Variants in HSPH1 observed in about 807,000 individuals in gnomAD.
The protein encoded by HSPH1 is heat shock protein 105 kDa.
Under a neutral mutation model 100.0 loss-of-function variants are expected in HSPH1, and 40 were observed. That is an observed-to-expected ratio of 0.40 (90% CI 0.31 to 0.52). The LOEUF is 0.52. HSPH1 is among the 20% of genes least tolerant of loss of function. HSPH1 has a pLI of 0.54. For missense variants in HSPH1, 876 were observed against 1,015.1 expected (o/e 0.86, Z 1.86); for synonymous variants, 403 against 344.0 (o/e 1.17, Z -1.90).
intron 9 of HSPH1, 66 bp downstream of exon 9, chr13:31,148,308 G>C: frequency 3.6e-6 from 4 of 1,104,380 alleles, no homozygotes; most frequent in Non-Finnish European, 5.4e-6. Context: ...GACTCTACTA[G>C]AGAAGTCATT....
At position 31,150,055 on chromosome 13, in the gene HSPH1, G is replaced by T. The variant is rs150739259; in HGVS notation, c.1036C>A (p.Arg346=). The change falls in exon 8 of 18, where the codon CGA becomes AGA. Residue 346 remains arginine, a synonymous_variant. Transcript: ENST00000320027. ...SAVEIVGGAT[R]IPAVKERIAK... is the part of the protein sequence containing the mutation. ...ATTCTTTCCTTCACAGCTGGAATTC[G>T]TGTAGCGCCTCCAACAATCTCAACT... is the stretch of plus-strand genomic sequence containing the variant. The T allele has an allele frequency of 8.7e-5, 141 of 1,613,760 alleles. No individual in the cohort carries two copies. In the African/African-American group the frequency reaches 1.8e-3, roughly 20 times the overall value.
Position 31,137,489 on chromosome 13 carries a change from T to C in HSPH1, c.2406A>G (p.Gln802=). ...TGGGTGATTCAATTTTTGGTTTCGG[T>C]TGTGTTACAACGGGTTCACATGTGT... ...LNNTCEPVVT[Q]PKPKIESPKL... is the part of the protein sequence containing the mutation. The change falls in exon 18 of 18, where the codon CAA becomes CAG. Residue 802 remains glutamine (Q), a synonymous_variant. Transcript: ENST00000320027. 1.9e-6 allele frequency: 3 copies of C among 1,613,692 alleles called. No homozygotes were observed. Among genetic ancestry groups the C allele is most frequent in the Non-Finnish European group, 2.5e-6 (3 of 1,179,754 alleles).
At position 31,161,702 on chromosome 13, in the gene HSPH1, C is replaced by A. The variant is rs747141029; in HGVS notation, c.-120G>T. On this transcript the variant is annotated 5_prime_UTR_variant, in exon 1 of 18. Transcript: ENST00000320027. Reference sequence around the variant, plus strand: ...TTCTGCTCCGGCCCGCGGGGTCTGGCCGTTCCTCTGACACTCAGAAGGACA... The same window carrying A: ...TTCTGCTCCGGCCCGCGGGGTCTGGACGTTCCTCTGACACTCAGAAGGACA... 3.9e-6 allele frequency: 6 copies of A among 1,539,034 alleles called. No homozygotes were observed. In the South Asian group the frequency reaches 7.1e-5, roughly 18 times the overall value.
chr13:31,151,614 A>G lies in HSPH1; in HGVS notation c.658T>C (p.Leu220=), dbSNP rs199734970. The change falls in exon 6 of 18, where the codon TTG becomes CTG. Residue 220 remains leucine (L), a synonymous_variant. Transcript: ENST00000320027. ...GTTCCAATGTATGACTTTACCTTCA[A>G]TTTTCCCTTGTTAAAAGCACAAGCA... The part of the protein sequence containing the change: ...VSACAFNKGK[L]KVLGTAFDPF... 1.0e-4 allele frequency: 164 copies of G among 1,609,552 alleles called. 1 individual carries two copies. The highest frequency in any genetic ancestry group is 8.5e-5 in the Admixed American group (5 of 58,898).
intron 2 of HSPH1, among the ~76,000 whole-genome samples, chr13:31,157,923 C>T (rs1368027226): frequency 2.2e-5 from 3 of 139,518 alleles, no homozygotes; most frequent in Non-Finnish European, 4.7e-5. Context: ...GATCAGATAC[C>T]GTACTTTACT....
intron 2 of HSPH1, among the ~76,000 whole-genome samples, chr13:31,158,205 GT>G (rs1173315080): frequency 1.3e-5 from 2 of 152,216 alleles, no homozygotes; most frequent in East Asian, 3.9e-4. Flanking sequence ...AAAATGCCTT[GT>G]TTATAATTTC....
At chr13:31,138,363 T>C (rs1349324454) in intron 17 of HSPH1, 44 bp downstream of exon 17, 1 of 1,581,786 alleles carries the variant, frequency 6.3e-7, no homozygotes, top group Non-Finnish European at 8.6e-7. Context: ...GCAACTTGAG[T>C]CCGTAAGTGA....
chr13:31,141,829 CAT>C (rs1956107619), intron 12 of HSPH1, among the ~76,000 whole-genome samples: 9 of 151,320 alleles, frequency 5.9e-5, no homozygotes, highest in African/African-American at 9.7e-5. Flanking sequence ...CACACACACA[CAT>C]TATTACTATC....
At position 31,153,055 on chromosome 13, in the gene HSPH1, C is replaced by T. The variant is rs1956545683; in HGVS notation, c.430-104G>A. ...CACAACAGTCCAGCTAAGTAGGTGC[C>T]TCGCCAAGTCACAAAACAGAAATAG... On this transcript the variant is annotated intron_variant, in intron 4 of 17. Transcript: ENST00000320027. 4.1e-6 allele frequency: 3 copies of T among 726,112 alleles called. No homozygotes were observed. The African/African-American group carries it at 5.4e-5, about 13-fold the overall frequency. The allele number at this position is 726,112 out of a possible 1,614,324, so 45.0% of individuals were successfully genotyped here. A position where few individuals can be genotyped will look rare whatever the true frequency, so the allele number is the denominator to read the frequency against.
rs1189447262 is a variant in HSPH1 at position 31,148,021 on chromosome 13, G to A, written c.1316C>T (p.Pro439Leu). The part of the protein sequence containing the change: ...SKVLTFLRRG[P>L]FELEAFYSDP... Reference sequence around the variant, plus strand: ...AGAATAGAAAGCTTCTAGCTCAAAAGGCCCCCTTCTCAGAAAGGTGAGAAC... The same window carrying A: ...AGAATAGAAAGCTTCTAGCTCAAAAAGCCCCCTTCTCAGAAAGGTGAGAAC... Residue 439 changes from proline (P) to leucine (L), a missense_variant, in exon 10 of 18, where the codon CCT becomes CTT. Pro to Leu is a moderately conservative substitution (Grantham distance 98). Coordinates refer to ENST00000320027, the MANE Select transcript of HSPH1 (RefSeq NM_006644.4). The A allele has an allele frequency of 5.6e-6, 9 of 1,610,628 alleles. No homozygotes were observed. Among genetic ancestry groups the A allele is most frequent in the Non-Finnish European group, 7.6e-6 (9 of 1,178,740 alleles).
At chr13:31,145,892 G>C (rs544219492) in intron 10 of HSPH1, 124 bp from the exon 11 acceptor site, 182 of 761,002 alleles carry the variant, frequency 2.4e-4, no homozygotes, top group Middle Eastern at 3.8e-4. Context: ...GGCCGTGGTG[G>C]GTCACTTGAG....
intron 3 of HSPH1, 53 bp downstream of exon 3, chr13:31,155,461 A>AT (rs1421146630): frequency 2.1e-6 from 3 of 1,418,156 alleles, no homozygotes; most frequent in Non-Finnish European, 2.9e-6. Context: ...ATAAGTTCGT[A>AT]TTTTTAAGTA....
intron 13 of HSPH1, 180 bp downstream of exon 13, chr13:31,140,941 AT>A: frequency 4.8e-6 from 2 of 419,128 alleles, no homozygotes; most frequent in South Asian, 7.9e-5. Context: ...AAGCAGAAAG[AT>A]TTTTTTGTTA....
rs1955902278 is a variant in HSPH1, at chr13:31,137,029, CCAAAAGA to C, written c.*282_*288del. 3.8e-6 allele frequency: 2 copies of C among 522,008 alleles called. No homozygotes were observed. Among genetic ancestry groups the C allele is most frequent in the African/African-American group, 3.9e-5 (2 of 50,830 alleles). 32.3% of individuals were successfully genotyped at this position (522,008 alleles called of 1,614,324 possible). A position where few individuals can be genotyped will look rare whatever the true frequency, so the allele number is the denominator to read the frequency against. ...GAACAAGCAGTACAGTTTTTTTTCT[CCAAAAGA>C]CAAAAGTCAGTTTCATCCTCAGTGA... On this transcript the variant is annotated 3_prime_UTR_variant, in exon 18 of 18. Transcript: ENST00000320027.
In HSPH1 at chr13:31,161,856, T is replaced by C. The variant is rs1315984319; in HGVS notation, c.-274A>G. ...CGCTCCGCACCTCGGGTTGCCTGCC[T>C]CACTCTGCCGCGGCTCGCACACCGG... is the stretch of plus-strand genomic sequence containing the variant. On this transcript the variant is annotated 5_prime_UTR_variant, in exon 1 of 18. Transcript: ENST00000320027. The C allele has an allele frequency of 6.7e-7, 1 of 1,482,380 alleles. No individual in the cohort carries two copies. Among genetic ancestry groups the C allele is most frequent in the African/African-American group, 1.4e-5 (1 of 71,580 alleles). The allele number at this position is 1,482,380 out of a possible 1,614,324, so 91.8% of individuals were successfully genotyped here.
chr13:31,135,684 A>G lies in HSPH1; in HGVS notation c.*1634T>C, dbSNP rs1955866368. Reference sequence around the variant, plus strand: ...TTAGCTTTAAAATTTGAGTTAATTTAATAACTTACATCTTCACCCAGGAAG... The same window carrying G: ...TTAGCTTTAAAATTTGAGTTAATTTGATAACTTACATCTTCACCCAGGAAG... On this transcript the variant is annotated 3_prime_UTR_variant, in exon 18 of 18. Coordinates refer to ENST00000320027, the MANE Select transcript of HSPH1 (RefSeq NM_006644.4). The G allele has an allele frequency of 6.6e-6, 1 of 152,266 alleles. No homozygotes were observed. Among genetic ancestry groups the G allele is most frequent in the African/African-American group, 2.4e-5 (1 of 41,470 alleles). 9.4% of individuals were successfully genotyped at this position (152,266 alleles called of 1,614,324 possible).
intron 12 of HSPH1, among the ~76,000 whole-genome samples, chr13:31,143,471 A>T (rs2137560136): frequency 6.6e-6 from 1 of 152,280 alleles, no homozygotes; most frequent in East Asian, 1.9e-4. Flanking sequence ...CCTGGTAAAT[A>T]TCAAGTTCTG....
intron 14 of HSPH1, among the ~76,000 whole-genome samples, chr13:31,139,744 C>T (rs1046216169): frequency 6.6e-6 from 1 of 152,006 alleles, no homozygotes; most frequent in Non-Finnish European, 1.5e-5. Flanking sequence ...TTACTCACAG[C>T]CATACTAACT....
At position 31,158,827 on chromosome 13, in the gene HSPH1, G is replaced by A. The variant is rs200832784; in HGVS notation, c.144C>T (p.Ile48=). 6.9e-6 allele frequency: 11 copies of A among 1,605,022 alleles called. No homozygotes were observed. The highest frequency in any genetic ancestry group is 5.4e-5 in the African/African-American group (4 of 74,706). Residue 48 remains isoleucine, a synonymous_variant, in exon 2 of 18, where the codon ATC becomes ATT. Coordinates refer to ENST00000320027, the MANE Select transcript of HSPH1 (RefSeq NM_006644.4). Reference sequence around the variant, plus strand: ...ATACCTGATTTTTGGCTGCAACTCCGATTGTTCTATTTTTTGATCCAAATG... The same window carrying A: ...ATACCTGATTTTTGGCTGCAACTCCAATTGTTCTATTTTTTGATCCAAATG... ...VISFGSKNRT[I]GVAAKNQQIT...
Sources: gnomAD v4.1 joint callset for allele counts (sites outside exome capture counted in the v4.1 genomes callset) on GRCh38, gnomAD v4.1.1 for gene constraint, MANE v1.5 for transcripts, NCBI Gene and HGNC (gene_info 2026-07-23, HGNC 2026-07-21) for gene names.